WIPF1: variants seen among roughly 807,000 people sequenced by gnomAD.
WIPF1 encodes the protein WAS/WASL interacting protein family member 1.
In WIPF1, 13 loss-of-function variants were observed where a neutral mutation model predicts 35.4. That is an observed-to-expected ratio of 0.37 (90% CI 0.24 to 0.58). The LOEUF (loss-of-function observed/expected upper bound fraction) is 0.58. Among genes scored for constraint, WIPF1 ranks in the 20% least tolerant of loss-of-function variants. The pLI, the probability that WIPF1 is intolerant of heterozygous loss-of-function variation, is 0.74. For missense variants in WIPF1, 591 were observed against 667.0 expected (o/e 0.89, Z 1.25); for synonymous variants, 267 against 266.3 (o/e 1.00, Z -0.02).
At chr2:174,646,033 T>G (rs1687402312) in intron 1 of WIPF1, among the ~76,000 whole-genome samples, 1 of 152,204 alleles carries the variant, frequency 6.6e-6, no homozygotes, top group African/African-American at 2.4e-5. Flanking sequence ...AGACACCATC[T>G]TACATTTGGT....
chr2:174,578,838 G>A (rs746416907), intron 3 of WIPF1, among the ~76,000 whole-genome samples: 11 of 152,210 alleles, frequency 7.2e-5, no homozygotes, highest in Non-Finnish European at 1.3e-4. Context: ...TTCTAGAAGT[G>A]TATGCAAAAT....
intron 1 of WIPF1, among the ~76,000 whole-genome samples, chr2:174,667,453 G>A (rs931251149): frequency 6.6e-6 from 1 of 152,154 alleles, no homozygotes; most frequent in African/African-American, 2.4e-5. Flanking sequence ...TAGCTCAGAG[G>A]TGGGAACACA....
At chr2:174,659,265 C>A (rs1394095591) in intron 1 of WIPF1, among the ~76,000 whole-genome samples, 1 of 152,182 alleles carries the variant, frequency 6.6e-6, no homozygotes, top group African/African-American at 2.4e-5. Flanking sequence ...TGAGCCACCA[C>A]ACTCAGCTCT....
chr2:174,618,002 A>C (rs1686563741), intron 1 of WIPF1, among the ~76,000 whole-genome samples: 1 of 152,248 alleles, frequency 6.6e-6, no homozygotes, highest in South Asian at 2.1e-4. Flanking sequence ...GTAACTAATA[A>C]GGCTTTGAAA....
At chr2:174,679,115 A>G (rs1688198075) in intron 1 of WIPF1, among the ~76,000 whole-genome samples, 1 of 152,188 alleles carries the variant, frequency 6.6e-6, no homozygotes, top group South Asian at 2.1e-4. Flanking sequence ...ATTCACATAC[A>G]TCACCTCATC....
chr2:174,630,214 T>C (rs1041550546), intron 1 of WIPF1, among the ~76,000 whole-genome samples: 6 of 152,182 alleles, frequency 3.9e-5, no homozygotes, highest in East Asian at 1.9e-4. Flanking sequence ...ACTTAAAATA[T>C]GTCATATTAA....
chr2:174,601,212 C>T (rs7603817), upstream of WIPF1, among the ~76,000 whole-genome samples: 3 of 152,098 alleles, frequency 2.0e-5, no homozygotes, highest in Admixed American at 2.0e-4. Context: ...TAGGTGTGAA[C>T]CACCACGCTG....
chr2:174,601,326 G>C (rs1439532188), upstream of WIPF1, among the ~76,000 whole-genome samples: 1 of 152,174 alleles, frequency 6.6e-6, no homozygotes, highest in African/African-American at 2.4e-5. Context: ...GCTGTTAAAG[G>C]GAAATTTTCC....
At chr2:174,660,761 G>A (rs1397612673) in intron 1 of WIPF1, among the ~76,000 whole-genome samples, 2 of 152,204 alleles carry the variant, frequency 1.3e-5, no homozygotes, top group Non-Finnish European at 2.9e-5. Flanking sequence ...ATGGACTGGA[G>A]TTGCTTACTC....
chr2:174,604,117 A>G (rs1284930488), intron 1 of WIPF1, among the ~76,000 whole-genome samples: 1 of 152,246 alleles, frequency 6.6e-6, no homozygotes, highest in African/African-American at 2.4e-5. Context: ...AGACATCTGT[A>G]TTCATAAAGA....
chr2:174,642,672 C>T (rs962713281), intron 1 of WIPF1, among the ~76,000 whole-genome samples: 4 of 148,658 alleles, frequency 2.7e-5, no homozygotes, highest in African/African-American at 1.0e-4. Flanking sequence ...GTTGTTGAGA[C>T]TGGGTCTCCC....
rs576751803 is a variant in WIPF1 at position 174,674,948 on chromosome 2, A to ACACACACACACACACG, written c.-39+7825_-39+7826insCGTGTGTGTGTGTGTG. Among the ~76,000 whole-genome samples the ACACACACACACACACG allele has an allele frequency of 1.1e-3, 157 of 147,198 alleles. 4 individuals carry two copies. The highest frequency in any genetic ancestry group is 3.6e-3 in the African/African-American group (144 of 39,516). The stretch of plus-strand genomic sequence containing the variant: ...CACACACACACACACACACACACAC[A>ACACACACACACACACG]GATGTTCCAGGAAGAATGGTTGTAG... On this transcript the variant is annotated intron_variant, in intron 1 of 8. Coordinates refer to the WIPF1 transcript ENST00000272746.
intron 1 of WIPF1, among the ~76,000 whole-genome samples, chr2:174,647,997 A>G (rs1404001706): frequency 2.0e-5 from 3 of 152,206 alleles, no homozygotes; most frequent in African/African-American, 7.2e-5. Flanking sequence ...TCAGGTTACA[A>G]TTAGAGAGTG....
At chr2:174,642,507 C>T (rs368109140) in intron 1 of WIPF1, among the ~76,000 whole-genome samples, 41 of 151,810 alleles carry the variant, frequency 2.7e-4, no homozygotes, top group African/African-American at 8.7e-4. Context: ...CCACCACGCC[C>T]GGCTAATTTT....
chr2:174,633,917 T>C (rs530161852), intron 1 of WIPF1, among the ~76,000 whole-genome samples: 2 of 152,236 alleles, frequency 1.3e-5, no homozygotes, highest in East Asian at 1.9e-4. Context: ...TCTACTCCTG[T>C]TTTGTGTTAG....
At chr2:174,671,779 G>T (rs1688024324) in intron 1 of WIPF1, among the ~76,000 whole-genome samples, 1 of 145,292 alleles carries the variant, frequency 6.9e-6, no homozygotes, top group South Asian at 2.1e-4. Flanking sequence ...GTAAATTTTA[G>T]CCTAGTAAAT....
At position 174,561,170 on chromosome 2, in the gene WIPF1, C is replaced by A. The variant is rs1684474534; in HGVS notation, c.*1377G>T. 1 of 152,574 alleles carries A rather than the reference C, an allele frequency of 6.6e-6. No homozygotes were observed. The highest frequency in any genetic ancestry group is 1.5e-5 in the Non-Finnish European group (1 of 68,022). 9.5% of individuals were successfully genotyped at this position (152,574 alleles called of 1,614,324 possible). On this transcript the variant is annotated 3_prime_UTR_variant, in exon 8 of 8. Coordinates refer to ENST00000679041, the MANE Select transcript of WIPF1 (RefSeq NM_001375834.1). ...TAGTGGAGCTATATTTGCATAGATC[C>A]TAGACAAATGATGCAAAACAAATTC... is the stretch of plus-strand genomic sequence containing the variant.
At chr2:174,637,984 T>C (rs1040563194) in intron 1 of WIPF1, among the ~76,000 whole-genome samples, 1 of 152,244 alleles carries the variant, frequency 6.6e-6, no homozygotes. Flanking sequence ...TTATACCTTA[T>C]AGTTGATAGT....
intron 1 of WIPF1, among the ~76,000 whole-genome samples, chr2:174,591,584 AG>A (rs1179459101): frequency 1.3e-5 from 2 of 152,130 alleles, no homozygotes; most frequent in Non-Finnish European, 1.5e-5. Context: ...CCCTTTCGTA[AG>A]GAACTGGCTT....
Sources: allele counts gnomAD v4.1 joint callset (sites outside exome capture counted in the v4.1 genomes callset), GRCh38; gene constraint gnomAD v4.1.1; transcripts MANE v1.5; gene names NCBI Gene and HGNC (gene_info 2026-07-23, HGNC 2026-07-21).